FAM72B: variants seen among roughly 807,000 people sequenced by gnomAD.
FAM72B encodes protein FAM72B.
In FAM72B, 4 loss-of-function variants were observed where a neutral mutation model predicts 12.6. The ratio of observed to expected loss-of-function variants is 0.32; its 90% CI spans 0.16 to 0.73. The LOEUF is 0.73. Among genes scored for constraint, FAM72B ranks in the 30% least tolerant of loss-of-function variants. The probability of loss-of-function intolerance (pLI) is 0.67; values close to 1 mark genes in which losing one functional copy is unlikely to be tolerated. For synonymous variants in FAM72B, 13 were observed against 53.9 expected (o/e 0.24, Z 3.32); for missense variants, 61 against 158.4 (o/e 0.39, Z 3.30).
chr1:121,170,183 G>C (rs1570677975), intron 3 of FAM72B, among the ~76,000 whole-genome samples: 1 of 149,346 alleles, frequency 6.7e-6, no homozygotes, highest in African/African-American at 2.5e-5. Context: ...GTTGGTCAGG[G>C]TGGTCTTGAA....
chr1:121,173,186 T>C (rs1173409326), intron 3 of FAM72B, among the ~76,000 whole-genome samples: 7 of 21,014 alleles, frequency 3.3e-4, no homozygotes, highest in Non-Finnish European at 5.5e-4. Flanking sequence ...CTAAAATAAT[T>C]TTTTTTTTTT....
At chr1:121,173,093 G>A (rs1378405442) in intron 3 of FAM72B, among the ~76,000 whole-genome samples, 1 of 147,548 alleles carries the variant, frequency 6.8e-6, no homozygotes, top group African/African-American at 2.5e-5. Context: ...AAAAAAAAAA[G>A]AATTAGTATT....
intron 3 of FAM72B, among the ~76,000 whole-genome samples, chr1:121,172,760 CA>C (rs782502540): frequency 0.21 from 4,565 of 21,518 alleles, 200 homozygotes; most frequent in Non-Finnish European, 0.23. Flanking sequence ...GACTCCATCT[CA>C]AAAAAAAAAA....
chr1:121,179,842 A>G (rs1359040085), intron 2 of FAM72B, among the ~76,000 whole-genome samples: 7 of 147,634 alleles, frequency 4.7e-5, no homozygotes, highest in Non-Finnish European at 7.4e-5. Flanking sequence ...AAAAAAAAAA[A>G]AAGAAGAAAG....
At chr1:121,172,969 C>T (rs28417392) in intron 3 of FAM72B, among the ~76,000 whole-genome samples, 6 of 113,038 alleles carry the variant, frequency 5.3e-5, no homozygotes, top group South Asian at 5.8e-4. Flanking sequence ...TCTCGCTACT[C>T]GGGAGGCTGA....
At chr1:121,179,205 C>T (rs1401933973) in intron 2 of FAM72B, among the ~76,000 whole-genome samples, 1 of 121,860 alleles carries the variant, frequency 8.2e-6, no homozygotes, top group Non-Finnish European at 1.7e-5. Flanking sequence ...TGGCGAAACC[C>T]CACCTCTACT....
intron 1 of FAM72B, among the ~76,000 whole-genome samples, chr1:121,182,104 G>C (rs1181313716): frequency 2.0e-5 from 3 of 152,202 alleles, no homozygotes; most frequent in African/African-American, 7.2e-5. Context: ...AGAAAAAGCA[G>C]TGGACAATGA....
In FAM72B at chr1:121,183,540, A is replaced by C. The variant is rs1312242910; in HGVS notation, c.-51T>G. ...GGATTTTGAAAAAGGAAACAAGAGT[A>C]ATGCTCCTACTATTTTGATTCCCCT... On this transcript the variant is annotated 5_prime_UTR_variant, in exon 1 of 4. It adds an upstream start codon to the 5' untranslated region. Coordinates refer to ENST00000369390, the MANE Select transcript of FAM72B (RefSeq NM_001100910.2). 6.2e-7 allele frequency: 1 copy of C among 1,606,480 alleles called. No individual in the cohort carries two copies. The highest frequency in any genetic ancestry group is 8.5e-7 in the Non-Finnish European group (1 of 1,177,162).
At chr1:121,169,845 A>C (rs1251657618) in intron 3 of FAM72B, among the ~76,000 whole-genome samples, 1 of 152,134 alleles carries the variant, frequency 6.6e-6, no homozygotes, top group East Asian at 1.9e-4. Flanking sequence ...GTAAATGACT[A>C]AACATACAGT....
rs1553315650 is a variant in FAM72B, at chr1:121,168,535, A to G, written c.*206T>C. ...CACTGGGCAGAAAAAGGTGGGGGAG[A>G]GGAAGTAGAAGTAGAGGAAAAGCAC... is the stretch of plus-strand genomic sequence containing the variant. On this transcript the variant is annotated 3_prime_UTR_variant, in exon 4 of 4. Transcript: ENST00000369390. The G allele has an allele frequency of 2.2e-6, 1 of 463,998 alleles. No homozygotes were observed. The highest frequency in any genetic ancestry group is 3.8e-6 in the Non-Finnish European group (1 of 261,358). The allele number at this position is 463,998 out of a possible 1,614,324, so 28.7% of individuals were successfully genotyped here.
intron 2 of FAM72B, among the ~76,000 whole-genome samples, chr1:121,179,566 G>T (rs1209788767): frequency 6.6e-6 from 1 of 152,060 alleles, no homozygotes. Flanking sequence ...GGTGGCTCAC[G>T]CCTGTAATCC....
chr1:121,169,998 T>C (rs1166269755), intron 3 of FAM72B, among the ~76,000 whole-genome samples: 1 of 151,312 alleles, frequency 6.6e-6, no homozygotes. Context: ...TGAGTCGGAG[T>C]CTCGCTCTAT....
At chr1:121,176,790 G>A (rs1289339160) in intron 3 of FAM72B, among the ~76,000 whole-genome samples, 1 of 152,140 alleles carries the variant, frequency 6.6e-6, no homozygotes, top group South Asian at 2.1e-4. Flanking sequence ...ACTAAATACA[G>A]AGGTTACTTA....
chr1:121,174,511 G>C (rs1206605460), intron 3 of FAM72B, among the ~76,000 whole-genome samples: 2 of 145,266 alleles, frequency 1.4e-5, no homozygotes, highest in Admixed American at 1.4e-4. Context: ...GGGATTATAG[G>C]CATGCGCCAC....
chr1:121,169,965 G>A (rs1211419566), intron 3 of FAM72B, among the ~76,000 whole-genome samples: 25 of 151,936 alleles, frequency 1.6e-4, no homozygotes, highest in Non-Finnish European at 2.8e-4. Context: ...CACAAGAAAA[G>A]CAAATCTTTT....
At chr1:121,180,669 G>T (rs1654314426) in intron 2 of FAM72B, among the ~76,000 whole-genome samples, 1 of 151,968 alleles carries the variant, frequency 6.6e-6, no homozygotes, top group Admixed American at 6.6e-5. Flanking sequence ...AGATCAGCCT[G>T]GGCAACAGAG....
At chr1:121,172,850 G>T (rs1376178926) in intron 3 of FAM72B, among the ~76,000 whole-genome samples, 3 of 135,618 alleles carry the variant, frequency 2.2e-5, no homozygotes, top group Admixed American at 7.3e-5. Flanking sequence ...TTGGGAGGCT[G>T]AGGCAGGCGG....
intron 3 of FAM72B, among the ~76,000 whole-genome samples, chr1:121,176,757 G>A (rs1654222944): frequency 6.6e-6 from 1 of 151,976 alleles, no homozygotes; most frequent in African/African-American, 2.4e-5. Flanking sequence ...ATGTCGAAAT[G>A]TCTGTTTTTA....
chr1:121,168,940 T>A (rs1389981346), intron 3 of FAM72B, 105 bp from the exon 4 acceptor site: 1 of 601,574 alleles, frequency 1.7e-6, no homozygotes, highest in Non-Finnish European at 2.9e-6. Flanking sequence ...AACCATAGTG[T>A]TAGCAGTAAA....
Sources: allele counts gnomAD v4.1 joint callset (sites outside exome capture counted in the v4.1 genomes callset), GRCh38; gene constraint gnomAD v4.1.1; transcripts MANE v1.5; gene names NCBI Gene and HGNC (gene_info 2026-07-23, HGNC 2026-07-21).